SNTG1: variants seen among roughly 807,000 people sequenced by gnomAD.
SNTG1 encodes gamma-1-syntrophin.
Under a neutral mutation model 74.7 loss-of-function variants are expected in SNTG1, and 39 were observed. That is an observed-to-expected ratio of 0.52 (90% CI 0.40 to 0.68). The LOEUF is 0.68. Ranked by LOEUF, SNTG1 falls within the 30% of genes least tolerant of loss-of-function variation. The pLI is 0.00. For synonymous variants in SNTG1, 254 were observed against 217.1 expected (o/e 1.17, Z -1.49); for missense variants, 685 against 609.5 (o/e 1.12, Z -1.30).
chr8:50,599,863 G>A (rs935865534), intron 13 of SNTG1, among the ~76,000 whole-genome samples: 1 of 152,096 alleles, frequency 6.6e-6, no homozygotes, highest in Admixed American at 6.6e-5. Flanking sequence ...AGTTGGGAAA[G>A]TGGGCTTGTC....
rs540377221 is a variant in SNTG1, at chr8:50,569,996, A to G, written c.810+16817A>G. On this transcript the variant is annotated intron_variant, in intron 12 of 18. Coordinates refer to ENST00000642720, the MANE Select transcript of SNTG1 (RefSeq NM_018967.5). Reference sequence around the variant, plus strand: ...TAACAATCATATTTTTACATTTTACATAATTAGAGTTTATGTCAAGAAGTA... The same window carrying G: ...TAACAATCATATTTTTACATTTTACGTAATTAGAGTTTATGTCAAGAAGTA... Among the ~76,000 whole-genome samples the G allele has an allele frequency of 3.3e-5, 5 of 152,244 alleles. No homozygotes were observed. The South Asian group carries it at 1.0e-3, about 32-fold the overall frequency.
chr8:50,558,629 C>T (rs372050481), intron 12 of SNTG1, among the ~76,000 whole-genome samples: 216 of 150,828 alleles, frequency 1.4e-3, no homozygotes, highest in African/African-American at 4.8e-3. Context: ...GGAAAGATGG[C>T]TGCAGTGTTT....
intron 1 of SNTG1, among the ~76,000 whole-genome samples, chr8:50,136,794 G>A (rs996231524): frequency 2.0e-5 from 3 of 152,072 alleles, no homozygotes; most frequent in African/African-American, 4.8e-5. Context: ...AGGCCTATTA[G>A]CCCCATGGCA....
chr8:50,064,947 C>T (rs1044562216), intron 1 of SNTG1, among the ~76,000 whole-genome samples: 1 of 152,182 alleles, frequency 6.6e-6, no homozygotes, highest in Non-Finnish European at 1.5e-5. Context: ...TTCCCTCTCA[C>T]TGGCATGTTA....
chr8:50,570,474 G>A (rs1349799397), intron 12 of SNTG1, among the ~76,000 whole-genome samples: 4 of 149,078 alleles, frequency 2.7e-5, no homozygotes. Context: ...GGTTAGGCTG[G>A]TCTTGAACTC....
intron 5 of SNTG1, among the ~76,000 whole-genome samples, chr8:50,439,887 A>G (rs1278918357): frequency 6.6e-6 from 1 of 151,520 alleles, no homozygotes; most frequent in Non-Finnish European, 1.5e-5. Context: ...CTGGTAGTAG[A>G]GCTTCCATTA....
At chr8:50,573,967 T>C (rs1297128098) in intron 12 of SNTG1, among the ~76,000 whole-genome samples, 1 of 152,026 alleles carries the variant, frequency 6.6e-6, no homozygotes. Context: ...TGAAAGTTCT[T>C]AATAAAATAG....
At chr8:50,091,205 A>T (rs886948247) in intron 1 of SNTG1, among the ~76,000 whole-genome samples, 3 of 152,014 alleles carry the variant, frequency 2.0e-5, no homozygotes, top group African/African-American at 7.2e-5. Context: ...TGATGTTTTG[A>T]TATACTTACA....
At chr8:50,199,312 A>C (rs2083898634) in intron 2 of SNTG1, among the ~76,000 whole-genome samples, 1 of 147,992 alleles carries the variant, frequency 6.8e-6, no homozygotes. Flanking sequence ...CTGTCTCCCC[A>C]GTTCAAGTGA....
At chr8:50,763,409 G>T (rs2095604579) in intron 18 of SNTG1, among the ~76,000 whole-genome samples, 2 of 151,716 alleles carry the variant, frequency 1.3e-5, no homozygotes, top group African/African-American at 4.8e-5. Flanking sequence ...TACTCTATAT[G>T]ATTTCATTTT....
chr8:50,701,757 C>CTTA (rs1478445791), intron 15 of SNTG1, among the ~76,000 whole-genome samples: 3 of 74,464 alleles, frequency 4.0e-5, no homozygotes, highest in Admixed American at 3.7e-4. Flanking sequence ...CCTTCTTCTC[C>CTTA]TTCTTCTTCT....
Position 50,109,311 on chromosome 8 carries a change from T to A in SNTG1, c.-102-63250T>A, listed in dbSNP as rs144777174. On this transcript the variant is annotated intron_variant, in intron 1 of 18. Transcript: ENST00000642720. Reference sequence around the variant, plus strand: ...AAGGATACAATTAATACCTAATTCATGAGAATTTTTTAGCAGATGCAATTC... The same window carrying A: ...AAGGATACAATTAATACCTAATTCAAGAGAATTTTTTAGCAGATGCAATTC... Among the ~76,000 whole-genome samples, 11 of 152,330 alleles carry A rather than the reference T, an allele frequency of 7.2e-5. 1 individual carries two copies. In the East Asian group the frequency reaches 1.9e-3, roughly 27 times the overall value.
Position 50,472,860 on chromosome 8 carries a change from T to G in SNTG1, c.363+22131T>G, listed in dbSNP as rs543385497. ...CAAAAAACCTTACCCAATTAAAAAC[T>G]GTCTAAAAGACTTGAATGGACATTT... On this transcript the variant is annotated intron_variant, in intron 8 of 18. Transcript: ENST00000642720. Among the ~76,000 whole-genome samples the G allele has an allele frequency of 2.6e-5, 4 of 152,204 alleles. No individual in the cohort carries two copies. In the East Asian group the frequency reaches 7.7e-4, roughly 29 times the overall value.
At chr8:49,975,433 C>T (rs551944881) in intron 1 of SNTG1, among the ~76,000 whole-genome samples, 1 of 152,206 alleles carries the variant, frequency 6.6e-6, no homozygotes, top group African/African-American at 2.4e-5. Context: ...GTTCATGTTT[C>T]GATTAATCGC....
chr8:49,971,886 A>T (rs1343142850), intron 1 of SNTG1, among the ~76,000 whole-genome samples: 5 of 152,190 alleles, frequency 3.3e-5, no homozygotes, highest in Non-Finnish European at 7.3e-5. Context: ...AAATGGAAGA[A>T]CATTCCATGC....
In SNTG1 at chr8:50,119,512, A is replaced by G. The variant is rs1411839247; in HGVS notation, c.-102-53049A>G. On this transcript the variant is annotated intron_variant, in intron 1 of 18. Coordinates refer to ENST00000642720, the MANE Select transcript of SNTG1 (RefSeq NM_018967.5). ...GAAACAAAATGATGTGATGGCAAGG[A>G]CATGGAATTTAAGTGTTAAAGAAAT... Among the ~76,000 whole-genome samples the G allele has an allele frequency of 1.4e-5, 2 of 142,118 alleles. 1 individual carries two copies. The highest frequency in any genetic ancestry group is 3.1e-5 in the Non-Finnish European group (2 of 63,834). The allele number at this position is 142,118 out of a possible 152,430, so 93.2% of individuals were successfully genotyped here.
At chr8:50,249,674 T>G (rs1225539552) in intron 2 of SNTG1, among the ~76,000 whole-genome samples, 3 of 152,200 alleles carry the variant, frequency 2.0e-5, no homozygotes, top group Non-Finnish European at 4.4e-5. Flanking sequence ...CACAAACTGC[T>G]GTAGCCTAGG....
intron 4 of SNTG1, among the ~76,000 whole-genome samples, chr8:50,421,458 G>A (rs995532194): frequency 3.3e-5 from 5 of 152,082 alleles, no homozygotes; most frequent in Admixed American, 3.3e-4. Flanking sequence ...GAACACCAGA[G>A]GCCACTCGTC....
intron 13 of SNTG1, among the ~76,000 whole-genome samples, chr8:50,607,386 T>C (rs1181129046): frequency 1.3e-5 from 2 of 151,756 alleles, no homozygotes; most frequent in Non-Finnish European, 3.0e-5. Flanking sequence ...TTTTGTTCTT[T>C]TAAAAGTACA....
Sources: allele counts gnomAD v4.1 joint callset (sites outside exome capture counted in the v4.1 genomes callset), GRCh38; gene constraint gnomAD v4.1.1; transcripts MANE v1.5; gene names NCBI Gene and HGNC (gene_info 2026-07-23, HGNC 2026-07-21).